FRMD4A: variants seen among roughly 807,000 people sequenced by gnomAD.
The protein encoded by FRMD4A is FERM domain containing 4A, also known as FERM domain-containing protein 4A.
FRMD4A carries 29 observed loss-of-function variants against 129.1 expected under a neutral mutation model. That is an observed-to-expected ratio of 0.22 (90% confidence interval 0.17 to 0.31). The LOEUF (loss-of-function observed/expected upper bound fraction) is 0.31. FRMD4A is among the 10% of genes least tolerant of loss of function. The pLI is 1.00. For synonymous variants in FRMD4A, 634 were observed against 571.6 expected (o/e 1.11, Z -1.56); for missense variants, 1,272 against 1,375.8 (o/e 0.92, Z 1.19).
chr10:14,266,919 C>T (rs1360874191), intron 2 of FRMD4A, among the ~76,000 whole-genome samples: 2 of 152,124 alleles, frequency 1.3e-5, no homozygotes, highest in Non-Finnish European at 2.9e-5. Flanking sequence ...CAATGGGTTC[C>T]CACAATGTTT....
At chr10:14,180,348 G>A (rs1041769836) in intron 2 of FRMD4A, among the ~76,000 whole-genome samples, 3 of 152,186 alleles carry the variant, frequency 2.0e-5, no homozygotes, top group African/African-American at 7.2e-5. Flanking sequence ...TGTTATCCAT[G>A]CAATTTGCTG....
At chr10:14,314,823 C>T (rs1846676828) in intron 2 of FRMD4A, among the ~76,000 whole-genome samples, 1 of 152,180 alleles carries the variant, frequency 6.6e-6, no homozygotes, top group African/African-American at 2.4e-5. Flanking sequence ...TTTATCCTCT[C>T]TATGCTTACT....
intron 12 of FRMD4A, among the ~76,000 whole-genome samples, chr10:13,713,307 C>T (rs2088233097): frequency 6.6e-6 from 1 of 152,180 alleles, no homozygotes; most frequent in Admixed American, 6.5e-5. Context: ...ATGGGACCCA[C>T]ATCTTGTGAC....
At chr10:14,186,491 G>A (rs1842150122) in intron 2 of FRMD4A, among the ~76,000 whole-genome samples, 1 of 152,130 alleles carries the variant, frequency 6.6e-6, no homozygotes, top group Non-Finnish European at 1.5e-5. Flanking sequence ...ATCTGAGCTG[G>A]ACTCCTGTCT....
At chr10:14,010,191 C>T (rs539734631) in intron 2 of FRMD4A, among the ~76,000 whole-genome samples, 2 of 152,166 alleles carry the variant, frequency 1.3e-5, no homozygotes, top group Non-Finnish European at 2.9e-5. Flanking sequence ...GGCAAAGCCC[C>T]GGGGAGCTGA....
chr10:13,725,229 T>C (rs1488399537), intron 12 of FRMD4A, among the ~76,000 whole-genome samples: 2 of 152,166 alleles, frequency 1.3e-5, no homozygotes, highest in African/African-American at 4.8e-5. Flanking sequence ...CACAATTGTG[T>C]AGAATTGTGA....
chr10:13,702,917 A>G (rs1308219085), intron 13 of FRMD4A, among the ~76,000 whole-genome samples: 1 of 18,284 alleles, frequency 5.5e-5, no homozygotes, highest in African/African-American at 1.1e-4. Flanking sequence ...GTGAAGGAAA[A>G]AAAAAAAAAA....
rs1194884827 is a variant in FRMD4A at position 14,093,851 on chromosome 10, C to G, written c.46-234939G>C. Among the ~76,000 whole-genome samples, 3 of 152,312 alleles carry G rather than the reference C, an allele frequency of 2.0e-5. No homozygotes were observed. In the East Asian group the frequency reaches 5.8e-4, roughly 29 times the overall value. On this transcript the variant is annotated intron_variant, in intron 2 of 24. Coordinates refer to ENST00000357447, the MANE Select transcript of FRMD4A (RefSeq NM_018027.5). ...ATCCTAGAATGTTTAATTCTGCTTGCCTTTGAATTTCTTTTCAAAAGCAGC... is the reference window on the plus strand; with the variant it reads ...ATCCTAGAATGTTTAATTCTGCTTGGCTTTGAATTTCTTTTCAAAAGCAGC...
At chr10:14,207,302 G>C (rs886701571) in intron 2 of FRMD4A, among the ~76,000 whole-genome samples, 1 of 152,098 alleles carries the variant, frequency 6.6e-6, no homozygotes. Flanking sequence ...TTCCACGGAT[G>C]GGGGTGGGGT....
chr10:13,843,740 T>C (rs958952999), intron 3 of FRMD4A, among the ~76,000 whole-genome samples: 1 of 152,168 alleles, frequency 6.6e-6, no homozygotes, highest in Admixed American at 6.5e-5. Context: ...TCAGGTGATC[T>C]ACCTGTCTCA....
intron 2 of FRMD4A, among the ~76,000 whole-genome samples, chr10:14,030,403 C>A (rs1833182471): frequency 1.3e-5 from 2 of 152,170 alleles, no homozygotes; most frequent in Non-Finnish European, 1.5e-5. Context: ...TAAATACATA[C>A]AATTTTTGTC....
intron 2 of FRMD4A, among the ~76,000 whole-genome samples, chr10:13,942,229 A>G (rs1321107434): frequency 1.3e-5 from 2 of 152,260 alleles, no homozygotes; most frequent in Non-Finnish European, 2.9e-5. Flanking sequence ...AAGCCTCATT[A>G]AAGGCACTAA....
chr10:13,882,609 G>C (rs1198851861), intron 2 of FRMD4A, among the ~76,000 whole-genome samples: 1 of 152,184 alleles, frequency 6.6e-6, no homozygotes, highest in African/African-American at 2.4e-5. Context: ...CAGATGGACG[G>C]ACAGGCTCCT....
chr10:13,670,671 T>C (rs1168971095), intron 16 of FRMD4A, 143 bp from the exon 17 acceptor site: 2 of 705,864 alleles, frequency 2.8e-6, no homozygotes, highest in African/African-American at 1.8e-5. Flanking sequence ...GCTAGAAATG[T>C]TCACATTAAG....
At chr10:13,987,926 A>T (rs1045371122) in intron 2 of FRMD4A, among the ~76,000 whole-genome samples, 2 of 152,224 alleles carry the variant, frequency 1.3e-5, no homozygotes, top group African/African-American at 4.8e-5. Flanking sequence ...AAATCACTCC[A>T]AACCAGGAGC....
At chr10:14,181,673 G>A (rs1026099293) in intron 2 of FRMD4A, among the ~76,000 whole-genome samples, 4 of 152,122 alleles carry the variant, frequency 2.6e-5, no homozygotes, top group Non-Finnish European at 5.9e-5. Context: ...ATATATGTAC[G>A]CATTGTGAAA....
chr10:13,681,478 T>C (rs2084580420), intron 15 of FRMD4A, among the ~76,000 whole-genome samples: 1 of 62,644 alleles, frequency 1.6e-5, no homozygotes, highest in African/African-American at 1.4e-4. Flanking sequence ...GAAAGGGTTG[T>C]CCAAACATGA....
intron 2 of FRMD4A, among the ~76,000 whole-genome samples, chr10:14,145,801 C>CA (rs1840045414): frequency 6.6e-6 from 1 of 152,088 alleles, no homozygotes; most frequent in African/African-American, 2.4e-5. Context: ...GAGAGAGAAA[C>CA]TGACCAAAAA....
intron 2 of FRMD4A, among the ~76,000 whole-genome samples, chr10:14,086,462 T>C (rs1326327138): frequency 6.6e-6 from 1 of 152,232 alleles, no homozygotes; most frequent in East Asian, 1.9e-4. Context: ...TTTTTATAAT[T>C]TGCATCTTAT....
Sources: allele counts gnomAD v4.1 joint callset (sites outside exome capture counted in the v4.1 genomes callset), GRCh38; gene constraint gnomAD v4.1.1; transcripts MANE v1.5; gene names NCBI Gene and HGNC (gene_info 2026-07-23, HGNC 2026-07-21).